The following RANBP2 variants were observed in gnomAD, a reference collection of about 807,000 sequenced individuals.
The protein encoded by RANBP2 is E3 SUMO-protein ligase RanBP2.
Under a neutral mutation model 303.6 loss-of-function variants are expected in RANBP2, and 57 were observed. That is an observed-to-expected ratio of 0.19 (90% confidence interval 0.15 to 0.23). The LOEUF is 0.23. Among genes scored for constraint, RANBP2 ranks in the 10% least tolerant of loss-of-function variants. The pLI is 1.00. For synonymous variants in RANBP2, 1,167 were observed against 1,301.5 expected (o/e 0.90, Z 2.23); for missense variants, 3,138 against 3,780.8 (o/e 0.83, Z 4.46).
At chr2:109,380,336 A>G in the RANBP2 span, among the ~76,000 whole-genome samples, 16 of 152,066 alleles carry the variant, frequency 1.1e-4, no homozygotes, top group African/African-American at 3.9e-4. Flanking sequence ...AGCCCCTTTG[A>G]GGCCAGACCT....
At chr2:109,301,739 T>C in the RANBP2 span, among the ~76,000 whole-genome samples, 1 of 152,224 alleles carries the variant, frequency 6.6e-6, no homozygotes, top group South Asian at 2.1e-4. Context: ...CCCATGTATT[T>C]GCTAAGCTGG....
chr2:109,227,671 C>T, the RANBP2 span, among the ~76,000 whole-genome samples: 2 of 152,222 alleles, frequency 1.3e-5, no homozygotes, highest in African/African-American at 4.8e-5. Flanking sequence ...AGCTCCCCTG[C>T]TTCTGTGCTG....
intron 7 of RANBP2, among the ~76,000 whole-genome samples, chr2:108,742,624 C>A (rs552799124): frequency 2.3e-4 from 35 of 151,876 alleles, no homozygotes; most frequent in African/African-American, 8.2e-4. Context: ...TTAAAAACAC[C>A]GTTGATAGAC....
At chr2:109,262,754 T>C in the RANBP2 span, among the ~76,000 whole-genome samples, 11 of 152,250 alleles carry the variant, frequency 7.2e-5, no homozygotes, top group African/African-American at 2.7e-4. Flanking sequence ...GGTTCCATTA[T>C]TGGAAAATAT....
the RANBP2 span, among the ~76,000 whole-genome samples, chr2:108,905,506 G>A: frequency 2.0e-5 from 3 of 150,982 alleles, no homozygotes; most frequent in African/African-American, 7.3e-5. Flanking sequence ...GGGCACAGGG[G>A]GCTGCATTTG....
At chr2:108,942,187 T>C in the RANBP2 span, among the ~76,000 whole-genome samples, 2 of 152,160 alleles carry the variant, frequency 1.3e-5, 1 homozygote, top group South Asian at 4.1e-4. Context: ...CTCCCCAGCA[T>C]TGCAAGGGAG....
chr2:108,782,524 C>T lies in RANBP2; in HGVS notation c.9035-4C>T, dbSNP rs753514543. 84 of 1,613,850 alleles carry T rather than the reference C, an allele frequency of 5.2e-5. No individual in the cohort carries two copies. Among genetic ancestry groups the T allele is most frequent in the Non-Finnish European group, 1.9e-5 (23 of 1,179,914 alleles). On this transcript the variant is annotated splice_region_variant and splice_polypyrimidine_tract_variant and intron_variant, in intron 27 of 28. Transcript: ENST00000283195. ...TCACTGCTTCCCCTTTCCCTCCCTG[C>T]CAGATGGAGAAGCAAAAGTAGAACA...
At chr2:109,335,010 A>G in the RANBP2 span, among the ~76,000 whole-genome samples, 1 of 152,132 alleles carries the variant, frequency 6.6e-6, no homozygotes, top group Admixed American at 6.5e-5. Context: ...GATTTATGTC[A>G]CCGCGTTGGC....
At chr2:109,215,934 G>C in the RANBP2 span, among the ~76,000 whole-genome samples, 1 of 152,212 alleles carries the variant, frequency 6.6e-6, no homozygotes, top group Non-Finnish European at 1.5e-5. Context: ...GGCTTCTACC[G>C]TGCCAGCGGC....
chr2:109,130,064 C>G, the RANBP2 span: 1 of 1,368,784 alleles, frequency 7.3e-7, no homozygotes, highest in Non-Finnish European at 9.4e-7. Context: ...GGCAGCACCG[C>G]CGGCAGTCTG....
At chr2:108,852,920 A>G in the RANBP2 span, among the ~76,000 whole-genome samples, 1 of 152,244 alleles carries the variant, frequency 6.6e-6, no homozygotes, top group African/African-American at 2.4e-5. Context: ...CAACCATTAC[A>G]GAAGTAAAAT....
chr2:109,082,607 C>T, the RANBP2 span, among the ~76,000 whole-genome samples: 16 of 151,826 alleles, frequency 1.1e-4, no homozygotes, highest in South Asian at 3.1e-3. Flanking sequence ...CCTAGCACCC[C>T]TTTTTAAAAC....
the RANBP2 span, among the ~76,000 whole-genome samples, chr2:109,637,549 T>C: frequency 1.3e-5 from 2 of 152,180 alleles, no homozygotes; most frequent in Non-Finnish European, 2.9e-5. Context: ...CTGCAGTGCA[T>C]TGCGCCCCTG....
chr2:109,729,066 C>T, the RANBP2 span, among the ~76,000 whole-genome samples: 1 of 152,168 alleles, frequency 6.6e-6, no homozygotes, highest in South Asian at 2.1e-4. Context: ...GATTTAACAG[C>T]TCTGCCATGT....
chr2:109,299,857 C>T, the RANBP2 span, among the ~76,000 whole-genome samples: 1 of 152,128 alleles, frequency 6.6e-6, no homozygotes, highest in Non-Finnish European at 1.5e-5. Flanking sequence ...CCAGGCTGAA[C>T]ATTCAATTAA....
chr2:109,564,675 AT>A, the RANBP2 span: 1 of 680,816 alleles, frequency 1.5e-6, no homozygotes, highest in Non-Finnish European at 2.2e-6. Flanking sequence ...AGCTACGATT[AT>A]TTTATACATG....
At chr2:109,002,638 G>A in the RANBP2 span, among the ~76,000 whole-genome samples, 4 of 152,030 alleles carry the variant, frequency 2.6e-5, no homozygotes, top group Non-Finnish European at 5.9e-5. Flanking sequence ...TCTGCTCCCC[G>A]GCCACCCTCC....
At chr2:109,478,709 G>A in the RANBP2 span, among the ~76,000 whole-genome samples, 3 of 152,134 alleles carry the variant, frequency 2.0e-5, no homozygotes, top group Admixed American at 6.5e-5. Context: ...GAGGGGGAGA[G>A]TCTGAGCTCG....
the RANBP2 span, among the ~76,000 whole-genome samples, chr2:109,607,665 G>T: frequency 6.6e-6 from 1 of 151,940 alleles, no homozygotes; most frequent in South Asian, 2.1e-4. Context: ...TTCTCCTGAG[G>T]GGGTAATAAT....
Sources: gnomAD v4.1 joint callset for allele counts (sites outside exome capture counted in the v4.1 genomes callset) on GRCh38, gnomAD v4.1.1 for gene constraint, MANE v1.5 for transcripts, NCBI Gene and HGNC (gene_info 2026-07-23, HGNC 2026-07-21) for gene names.